PCDHA3: variants seen among roughly 807,000 people sequenced by gnomAD.
PCDHA3 encodes the protein protocadherin alpha-3.
PCDHA3 carries 41 observed loss-of-function variants against 62.2 expected under a neutral mutation model. That is an observed-to-expected ratio of 0.66 (90% CI 0.51 to 0.86). The LOEUF is 0.86. Among genes scored for constraint, PCDHA3 ranks in the 40% least tolerant of loss-of-function variants. PCDHA3 has a pLI of 0.00. For synonymous variants in PCDHA3, 640 were observed against 555.4 expected (o/e 1.15, Z -2.14); for missense variants, 1,304 against 1,241.2 (o/e 1.05, Z -0.76).
chr5:140,897,636 C>A (rs2066236074), intron 1 of PCDHA3, among the ~76,000 whole-genome samples: 1 of 152,038 alleles, frequency 6.6e-6, no homozygotes, highest in African/African-American at 2.4e-5. Context: ...GTGTATAGTG[C>A]CACAATAAAC....
chr5:140,891,604 C>T (rs1554184885), intron 1 of PCDHA3, among the ~76,000 whole-genome samples: 2 of 152,172 alleles, frequency 1.3e-5, no homozygotes, highest in African/African-American at 4.8e-5. Flanking sequence ...CCATCTATTT[C>T]TACCTTTTAT....
intron 1 of PCDHA3, among the ~76,000 whole-genome samples, chr5:140,844,800 T>C (rs1779552388): frequency 6.7e-6 from 1 of 149,422 alleles, no homozygotes; most frequent in South Asian, 2.1e-4. Flanking sequence ...AACATTTTCT[T>C]TCTTTTATTT....
intron 1 of PCDHA3, among the ~76,000 whole-genome samples, chr5:140,873,346 T>C (rs1235906519): frequency 1.5e-4 from 23 of 152,226 alleles, no homozygotes; most frequent in African/African-American, 4.8e-4. Flanking sequence ...CATCTCCAGA[T>C]GAAATTTTTG....
chr5:140,826,952 G>A (rs1202184500), intron 1 of PCDHA3, among the ~76,000 whole-genome samples: 1 of 152,130 alleles, frequency 6.6e-6, no homozygotes, highest in Non-Finnish European at 1.5e-5. Context: ...AATAAGGCAA[G>A]CCAGGGAAAA....
intron 1 of PCDHA3, chr5:140,857,675 C>A: frequency 1.3e-6 from 2 of 1,597,044 alleles, no homozygotes; most frequent in Non-Finnish European, 1.7e-6. Context: ...GGGCGTGCCG[C>A]CTCTGGGCAG....
Position 140,929,454 on chromosome 5 carries a change from C to T in PCDHA3, c.2395-49495C>T, listed in dbSNP as rs2086172726. ...AACTAAACACTCCTTCTTAGCACTTCCTGTGCCAAGAAATCTGGAAGTATA... is the reference window on the plus strand; with the variant it reads ...AACTAAACACTCCTTCTTAGCACTTTCTGTGCCAAGAAATCTGGAAGTATA... On this transcript the variant is annotated intron_variant, in intron 1 of 3. Transcript: ENST00000522353. 7 of 1,355,724 alleles carry T rather than the reference C, an allele frequency of 5.2e-6. No individual in the cohort carries two copies. In the Admixed American group the frequency reaches 8.0e-5, roughly 16 times the overall value. The allele number at this position is 1,355,724 out of a possible 1,614,324, so 84.0% of individuals were successfully genotyped here. A position where few individuals can be genotyped will look rare whatever the true frequency, so the allele number is the denominator to read the frequency against.
At chr5:140,858,851 A>G in intron 1 of PCDHA3, 1 of 282,254 alleles carries the variant, frequency 3.5e-6, no homozygotes, top group Non-Finnish European at 6.7e-6. Flanking sequence ...ACTGATCTAT[A>G]TCTCTTCAGT....
intron 1 of PCDHA3, among the ~76,000 whole-genome samples, chr5:140,881,750 C>T (rs1161973911): frequency 6.6e-6 from 1 of 152,092 alleles, no homozygotes; most frequent in Non-Finnish European, 1.5e-5. Flanking sequence ...AGGACAGTAC[C>T]ACAAAAACCT....
rs188762939 is a variant in PCDHA3 at position 140,839,461 on chromosome 5, C to T, written c.2394+35870C>T. Among the ~76,000 whole-genome samples, 181 of 152,038 alleles carry T rather than the reference C, an allele frequency of 1.2e-3. 3 individuals carry two copies. Among genetic ancestry groups the T allele is most frequent in the Middle Eastern group, 3.4e-3 (1 of 294 alleles). On this transcript the variant is annotated intron_variant, in intron 1 of 3. Transcript: ENST00000522353. The stretch of plus-strand genomic sequence containing the variant: ...CTGCAGTGCAGTGGCACAATCTGGG[C>T]TTACTGCAATCTCTGCCTCCTGGGC...
intron 1 of PCDHA3, chr5:140,849,763 T>C (rs1554143274): frequency 1.3e-6 from 2 of 1,598,470 alleles, no homozygotes; most frequent in Non-Finnish European, 1.7e-6. Context: ...GCCTACGAGC[T>C]GGTGGTTACC....
chr5:140,981,446 T>C (rs1586884316), intron 2 of PCDHA3, among the ~76,000 whole-genome samples: 4 of 152,058 alleles, frequency 2.6e-5, no homozygotes, highest in Admixed American at 1.3e-4. Context: ...TGGTGGCGGG[T>C]GCCTGTAGTC....
chr5:140,822,577 G>A lies in PCDHA3; in HGVS notation c.2394+18986G>A, dbSNP rs1554128720. 7.4e-6 allele frequency: 12 copies of A among 1,612,030 alleles called. No homozygotes were observed. Among genetic ancestry groups the A allele is most frequent in the Non-Finnish European group, 1.0e-5 (12 of 1,178,406 alleles). ...AGTTATTAAACTGAACGCCTCAGAT[G>A]CAGATGAGGGCATCAATAAGGAAAT... On this transcript the variant is annotated intron_variant, in intron 1 of 3. Coordinates refer to ENST00000522353, the MANE Select transcript of PCDHA3 (RefSeq NM_018906.3).
chr5:140,890,543 CTGAG>C (rs1391853747), intron 1 of PCDHA3, among the ~76,000 whole-genome samples: 1 of 152,012 alleles, frequency 6.6e-6, no homozygotes, highest in African/African-American at 2.4e-5. Context: ...TTTGAAATGA[CTGAG>C]TACTTTTTAT....
intron 1 of PCDHA3, among the ~76,000 whole-genome samples, chr5:140,951,214 T>C (rs994639576): frequency 1.3e-5 from 2 of 152,218 alleles, no homozygotes; most frequent in African/African-American, 2.4e-5. Context: ...ATCTCAGGTT[T>C]GGATTCTTGA....
At chr5:140,835,766 G>A in intron 1 of PCDHA3, 2 of 1,613,386 alleles carry the variant, frequency 1.2e-6, no homozygotes, top group Non-Finnish European at 1.7e-6. Context: ...CCGAGTATAC[G>A]GTGTTCGTGA....
chr5:140,898,632 C>T (rs2066885282), intron 1 of PCDHA3, among the ~76,000 whole-genome samples: 1 of 152,158 alleles, frequency 6.6e-6, no homozygotes, highest in Non-Finnish European at 1.5e-5. Flanking sequence ...ATAATGCCTC[C>T]AGCTTTGTTC....
chr5:140,929,257 C>T, intron 1 of PCDHA3: 2 of 1,612,972 alleles, frequency 1.2e-6, no homozygotes, highest in Non-Finnish European at 1.7e-6. Context: ...TGGGGTAGGA[C>T]TGAATTTGCC....
chr5:140,977,701 G>A (rs1299788207), intron 1 of PCDHA3, among the ~76,000 whole-genome samples: 2 of 152,146 alleles, frequency 1.3e-5, no homozygotes, highest in African/African-American at 4.8e-5. Context: ...AAATCTGTCT[G>A]AATATTGAGA....
chr5:140,835,505 GT>G, intron 1 of PCDHA3: 1 of 1,613,954 alleles, frequency 6.2e-7, no homozygotes, highest in Non-Finnish European at 8.5e-7. Flanking sequence ...TGATTAGCGT[GT>G]TTGACCGAGA....
Sources: gnomAD v4.1 joint callset for allele counts (sites outside exome capture counted in the v4.1 genomes callset) on GRCh38, gnomAD v4.1.1 for gene constraint, MANE v1.5 for transcripts, NCBI Gene and HGNC (gene_info 2026-07-23, HGNC 2026-07-21) for gene names.